GRIA1: variants seen among roughly 807,000 people sequenced by gnomAD.
GRIA1 encodes the protein glutamate receptor 1.
Under a neutral mutation model 99.2 loss-of-function variants are expected in GRIA1, and 31 were observed. The ratio of observed to expected loss-of-function variants is 0.31; its 90% CI spans 0.23 to 0.42. The LOEUF (loss-of-function observed/expected upper bound fraction) is 0.42, where lower values mean the gene tolerates loss of function less well. Among genes scored for constraint, GRIA1 ranks in the 10% least tolerant of loss-of-function variants. GRIA1 has a pLI of 1.00. For missense variants in GRIA1, 782 were observed against 1,157.5 expected (o/e 0.68, Z 4.71); for synonymous variants, 438 against 432.4 (o/e 1.01, Z -0.16).
chr5:153,527,914 T>C (rs113816755), intron 2 of GRIA1, among the ~76,000 whole-genome samples: 1,811 of 152,308 alleles, frequency 0.012, 22 homozygotes, highest in Middle Eastern at 0.058. Flanking sequence ...ATTTAGGTTG[T>C]CCATCATGTA....
At chr5:153,561,496 T>C (rs1472192982) in intron 2 of GRIA1, among the ~76,000 whole-genome samples, 2 of 152,166 alleles carry the variant, frequency 1.3e-5, no homozygotes, top group African/African-American at 2.4e-5. Flanking sequence ...CTGTAACTTG[T>C]AGAGCCTGGA....
At chr5:153,668,910 T>A (rs1166802135) in intron 5 of GRIA1, among the ~76,000 whole-genome samples, 1 of 152,246 alleles carries the variant, frequency 6.6e-6, no homozygotes, top group Non-Finnish European at 1.5e-5. Flanking sequence ...GGAGCAATCT[T>A]GACACACCAT....
chr5:153,656,047 C>T (rs941039586), intron 5 of GRIA1, among the ~76,000 whole-genome samples, 175 bp downstream of exon 5: 5 of 152,196 alleles, frequency 3.3e-5, no homozygotes, highest in Admixed American at 2.6e-4. Context: ...ACTCATCAAA[C>T]CACAACACAC....
At chr5:153,549,283 A>C (rs1552833) in intron 2 of GRIA1, among the ~76,000 whole-genome samples, 60,259 of 152,046 alleles carry the variant, frequency 0.4, 13,113 homozygotes, top group East Asian at 0.71. Context: ...CACTGAGTTT[A>C]TTTTCAGGTT....
At chr5:153,723,660 T>C (rs983964045) in intron 11 of GRIA1, among the ~76,000 whole-genome samples, 2 of 152,006 alleles carry the variant, frequency 1.3e-5, no homozygotes, top group African/African-American at 4.8e-5. Flanking sequence ...CAGTCTGAGA[T>C]CAAACTGCAA....
At chr5:153,590,570 CTT>C (rs1441598275) in intron 2 of GRIA1, among the ~76,000 whole-genome samples, 1 of 150,228 alleles carries the variant, frequency 6.7e-6, no homozygotes, top group Non-Finnish European at 1.5e-5. Context: ...ATATGTATCT[CTT>C]CTTCAATGCT....
chr5:153,708,142 G>A (rs2149523882), intron 11 of GRIA1, among the ~76,000 whole-genome samples: 1 of 152,156 alleles, frequency 6.6e-6, no homozygotes, highest in Non-Finnish European at 1.5e-5. Context: ...TTCCTCCAGG[G>A]GTTTCAATCT....
chr5:153,796,398 A>T (rs1183160706), intron 14 of GRIA1, among the ~76,000 whole-genome samples: 1 of 152,200 alleles, frequency 6.6e-6, no homozygotes, highest in Non-Finnish European at 1.5e-5. Flanking sequence ...TCACAAGTAG[A>T]AAGTCAGTAC....
chr5:153,763,130 G>A (rs893013296), intron 11 of GRIA1, among the ~76,000 whole-genome samples: 1 of 152,136 alleles, frequency 6.6e-6, no homozygotes, highest in Non-Finnish European at 1.5e-5. Context: ...ACATATATTT[G>A]TTGGATTTCT....
intron 11 of GRIA1, among the ~76,000 whole-genome samples, chr5:153,754,220 A>T (rs1488004411): frequency 6.6e-6 from 1 of 152,146 alleles, no homozygotes; most frequent in East Asian, 1.9e-4. Context: ...GCCCAGCTTC[A>T]CCTGAGCCAG....
chr5:153,568,365 C>G (rs1481707292), intron 2 of GRIA1, among the ~76,000 whole-genome samples: 1 of 152,162 alleles, frequency 6.6e-6, no homozygotes, highest in Non-Finnish European at 1.5e-5. Flanking sequence ...GAATCTCAGG[C>G]CCACCTCAAA....
At chr5:153,528,402 TAGTCCTCACTTTTAAGGGTAC>T (rs1561613758) in intron 2 of GRIA1, among the ~76,000 whole-genome samples, 1 of 152,180 alleles carries the variant, frequency 6.6e-6, no homozygotes, top group African/African-American at 2.4e-5. Context: ...CCCACTATTC[TAGTCCTCACTTTTAAGGGTAC>T]AGGCTCAGAG....
chr5:153,573,868 T>C (rs1444790120), intron 2 of GRIA1, among the ~76,000 whole-genome samples: 8 of 152,114 alleles, frequency 5.3e-5, no homozygotes, highest in Non-Finnish European at 1.2e-4. Context: ...GACTAAAGGC[T>C]CTGTCCCAGT....
rs150379511 is a variant in GRIA1 at position 153,575,792 on chromosome 5, A to G, written c.221-71136A>G. 2.3e-3 allele frequency among the ~76,000 whole-genome samples: 350 copies of G among 152,286 alleles called. 3 individuals are homozygous for G. Among genetic ancestry groups the G allele is most frequent in the Admixed American group, 0.015 (232 of 15,288 alleles). ...CTGTTCTCTGGTTCTTTGCAGTGTA[A>G]TGGCAGAACTGAGGTTAGAATTCTC... On this transcript the variant is annotated intron_variant, in intron 2 of 15. Coordinates refer to ENST00000285900, the MANE Select transcript of GRIA1 (RefSeq NM_000827.4).
chr5:153,794,970 T>C (rs1186427475), intron 14 of GRIA1, among the ~76,000 whole-genome samples: 1 of 152,190 alleles, frequency 6.6e-6, no homozygotes, highest in Non-Finnish European at 1.5e-5. Flanking sequence ...CAGCATCTGC[T>C]CTGGTCCCAT....
intron 2 of GRIA1, among the ~76,000 whole-genome samples, chr5:153,609,184 TC>T (rs1474242715): frequency 1.3e-5 from 2 of 152,134 alleles, no homozygotes; most frequent in African/African-American, 4.8e-5. Context: ...TTAGTAAATA[TC>T]CCCAAGGTGC....
intron 11 of GRIA1, among the ~76,000 whole-genome samples, chr5:153,758,295 T>C (rs1035788123): frequency 2.6e-5 from 4 of 151,968 alleles, no homozygotes; most frequent in Admixed American, 6.6e-5. Context: ...CCCAATTATA[T>C]GCCACTCACA....
intron 2 of GRIA1, among the ~76,000 whole-genome samples, chr5:153,601,990 T>G (rs1765009138): frequency 6.6e-6 from 1 of 152,198 alleles, no homozygotes; most frequent in South Asian, 2.1e-4. Flanking sequence ...ATTGTCTGTG[T>G]CATGTCAGCA....
chr5:153,731,098 C>CT (rs898275168), intron 11 of GRIA1, among the ~76,000 whole-genome samples: 21 of 152,100 alleles, frequency 1.4e-4, no homozygotes, highest in African/African-American at 4.8e-4. Context: ...TGATCAGACT[C>CT]TATCACTTCT....
Sources: gnomAD v4.1 joint callset for allele counts (sites outside exome capture counted in the v4.1 genomes callset) on GRCh38, gnomAD v4.1.1 for gene constraint, MANE v1.5 for transcripts, NCBI Gene and HGNC (gene_info 2026-07-23, HGNC 2026-07-21) for gene names.